The following PIK3C2G variants were observed in gnomAD, a reference collection of about 807,000 sequenced individuals.
PIK3C2G encodes phosphatidylinositol 3-kinase C2 domain-containing subunit gamma.
In PIK3C2G, 168 loss-of-function variants were observed where a neutral mutation model predicts 181.1. The observed-to-expected ratio is 0.93, with a 90% CI of 0.82 to 1.05. PIK3C2G has a LOEUF of 1.05. Among genes scored for constraint, PIK3C2G ranks in the 50% least tolerant of loss-of-function variants. The probability of loss-of-function intolerance (pLI) is 0.00; values close to 1 mark genes in which losing one functional copy is unlikely to be tolerated. For synonymous variants in PIK3C2G, 573 were observed against 592.2 expected (o/e 0.97, Z 0.47); for missense variants, 1,869 against 1,732.8 (o/e 1.08, Z -1.40).
chr12:18,368,953 C>T (rs1374114647), intron 12 of PIK3C2G, among the ~76,000 whole-genome samples: 1 of 152,176 alleles, frequency 6.6e-6, no homozygotes, highest in Non-Finnish European at 1.5e-5. Context: ...AAAGCCAACT[C>T]CTAGTGTGAG....
intron 22 of PIK3C2G, among the ~76,000 whole-genome samples, chr12:18,499,929 CAT>C (rs966554459): frequency 1.1e-4 from 17 of 152,108 alleles, no homozygotes; most frequent in African/African-American, 4.1e-4. Flanking sequence ...AATCTCCAAA[CAT>C]ATTAGTGCGT....
chr12:18,508,304 C>T (rs574418390), intron 24 of PIK3C2G, among the ~76,000 whole-genome samples: 1 of 152,140 alleles, frequency 6.6e-6, no homozygotes, highest in Admixed American at 6.5e-5. Flanking sequence ...AATGGTAAAA[C>T]TGAACCATAC....
intron 31 of PIK3C2G, among the ~76,000 whole-genome samples, chr12:18,621,109 T>C (rs1057419027): frequency 2.6e-5 from 4 of 151,960 alleles, no homozygotes; most frequent in Non-Finnish European, 5.9e-5. Flanking sequence ...GGATAGTTCA[T>C]CTTCTCTTGT....
At chr12:18,552,518 A>ATCTCCCC (rs1944788098) in intron 26 of PIK3C2G, among the ~76,000 whole-genome samples, 1 of 152,108 alleles carries the variant, frequency 6.6e-6, no homozygotes, top group Non-Finnish European at 1.5e-5. Context: ...CCAAGGGGAG[A>ATCTCCCC]TAGGGACACA....
downstream of PIK3C2G, among the ~76,000 whole-genome samples, chr12:18,652,899 G>A (rs190275837): frequency 3.3e-5 from 5 of 151,860 alleles, no homozygotes; most frequent in East Asian, 9.7e-4. Flanking sequence ...ACATATATAT[G>A]TATATGTTCA....
intron 18 of PIK3C2G, among the ~76,000 whole-genome samples, chr12:18,426,809 T>C (rs1364235803): frequency 2.0e-5 from 3 of 152,234 alleles, no homozygotes; most frequent in African/African-American, 7.2e-5. Context: ...GGTCGGAGAC[T>C]GTTTGATTTG....
chr12:18,335,002 A>G (rs960563727), intron 8 of PIK3C2G, among the ~76,000 whole-genome samples: 5 of 152,142 alleles, frequency 3.3e-5, no homozygotes, highest in African/African-American at 1.2e-4. Context: ...AATTCCTACT[A>G]TGAGTAGTAT....
intron 29 of PIK3C2G, among the ~76,000 whole-genome samples, chr12:18,583,877 G>A (rs1251938127): frequency 6.6e-6 from 1 of 152,050 alleles, no homozygotes; most frequent in African/African-American, 2.4e-5. Context: ...TGAGTTGGCT[G>A]GAATGACAGA....
chr12:18,315,197 GCAACATAT>G (rs1337851910), intron 6 of PIK3C2G, among the ~76,000 whole-genome samples: 1 of 152,102 alleles, frequency 6.6e-6, no homozygotes, highest in Non-Finnish European at 1.5e-5. Context: ...ACATTAGGTT[GCAACATAT>G]CAATGTGGAA....
chr12:18,451,876 T>C (rs1368226651), intron 18 of PIK3C2G, among the ~76,000 whole-genome samples: 1 of 152,216 alleles, frequency 6.6e-6, no homozygotes, highest in East Asian at 1.9e-4. Flanking sequence ...ATTATGTTGA[T>C]TGATTTGCGT....
At chr12:18,306,580 A>G (rs540525755) in intron 5 of PIK3C2G, among the ~76,000 whole-genome samples, 1 of 152,196 alleles carries the variant, frequency 6.6e-6, no homozygotes, top group South Asian at 2.1e-4. Flanking sequence ...GTTTACTCAA[A>G]TTAAGGATAT....
chr12:18,453,439 T>C (rs1164834043), intron 18 of PIK3C2G, among the ~76,000 whole-genome samples: 2 of 152,294 alleles, frequency 1.3e-5, no homozygotes, highest in Non-Finnish European at 1.5e-5. Flanking sequence ...TTTGTATGCA[T>C]ACAACTCTTT....
chr12:18,621,837 A>T (rs1592735150), intron 31 of PIK3C2G, among the ~76,000 whole-genome samples: 1 of 151,846 alleles, frequency 6.6e-6, no homozygotes, highest in Non-Finnish European at 1.5e-5. Context: ...AATTTAATTC[A>T]TAAAGACCTG....
chr12:18,486,858 G>A (rs1329315642), intron 18 of PIK3C2G, among the ~76,000 whole-genome samples: 8 of 152,266 alleles, frequency 5.3e-5, no homozygotes, highest in African/African-American at 1.9e-4. Context: ...ACATCTTCAA[G>A]CTTTACAAGT....
At position 18,381,761 on chromosome 12, in the gene PIK3C2G, TGC is replaced by T; in HGVS notation, c.1881-4_1881-3del. 1 of 1,561,510 alleles carries T rather than the reference TGC, an allele frequency of 6.4e-7. No individual in the cohort carries two copies. Among genetic ancestry groups the T allele is most frequent in the South Asian group, 1.1e-5 (1 of 89,924 alleles). ...GTCTGTGTGTGTGTGTGTTGTCTTT[TGC>T]AGAAAATCCATTCTCGGGTCTATGC... On this transcript the variant is annotated splice_polypyrimidine_tract_variant and splice_region_variant and intron_variant, in intron 13 of 32. Coordinates refer to ENST00000538779, the MANE Select transcript of PIK3C2G (RefSeq NM_001288772.2).
chr12:18,255,286 AAAG>A (rs1188093722), intron 1 of PIK3C2G, among the ~76,000 whole-genome samples: 6 of 152,024 alleles, frequency 3.9e-5, no homozygotes, highest in African/African-American at 1.4e-4. Context: ...TGAAAGAAAA[AAAG>A]AAATAGTTTG....
At chr12:18,533,905 G>A (rs959250792) in intron 24 of PIK3C2G, among the ~76,000 whole-genome samples, 1 of 142,782 alleles carries the variant, frequency 7.0e-6, no homozygotes, top group African/African-American at 2.5e-5. Flanking sequence ...ACATGTGAAA[G>A]TAATAAACAG....
chr12:18,339,729 A>G (rs750876854), intron 9 of PIK3C2G, among the ~76,000 whole-genome samples: 7 of 152,140 alleles, frequency 4.6e-5, no homozygotes, highest in Non-Finnish European at 7.4e-5. Context: ...GGCTTTCTAG[A>G]TCTTATTTAA....
the PIK3C2G span, among the ~76,000 whole-genome samples, chr12:18,718,231 A>C: frequency 6.6e-6 from 1 of 152,166 alleles, no homozygotes; most frequent in Non-Finnish European, 1.5e-5. Flanking sequence ...TCTGTATCTC[A>C]AATTCAACTA....
Sources: allele counts gnomAD v4.1 joint callset (sites outside exome capture counted in the v4.1 genomes callset), GRCh38; gene constraint gnomAD v4.1.1; transcripts MANE v1.5; gene names NCBI Gene and HGNC (gene_info 2026-07-23, HGNC 2026-07-21).